The following NME8 variants were observed in gnomAD, a reference collection of about 807,000 sequenced individuals.
NME8 encodes protein NME8.
Under a neutral mutation model 82.3 loss-of-function variants are expected in NME8, and 72 were observed. That is an observed-to-expected ratio of 0.87 (90% confidence interval 0.72 to 1.06). NME8 has a LOEUF of 1.06. Among genes scored for constraint, NME8 ranks in the 50% least tolerant of loss-of-function variants. The pLI is 0.00. For synonymous variants in NME8, 267 were observed against 228.5 expected, an observed-to-expected ratio of 1.17 and a Z score of -1.52; for missense variants, 712 against 685.4, an observed-to-expected ratio of 1.04 and a Z score of -0.43.
chr7:37,879,846 C>A (rs55767998), intron 12 of NME8, among the ~76,000 whole-genome samples: 21,890 of 152,146 alleles, frequency 0.14, 1,920 homozygotes, highest in African/African-American at 0.24. Context: ...TGCTCTACAA[C>A]CTTGCCAGGA....
chr7:37,863,337 A>G lies in NME8; in HGVS notation c.388-59A>G, dbSNP rs530071353. The G allele has an allele frequency of 4.0e-6, 4 of 1,001,174 alleles. No homozygotes were observed. The East Asian group carries it at 9.5e-5, about 24-fold the overall frequency. 62.0% of individuals were successfully genotyped at this position (1,001,174 alleles called of 1,614,324 possible). A position where few individuals can be genotyped will look rare whatever the true frequency, so the allele number is the denominator to read the frequency against. On this transcript the variant is annotated intron_variant, in intron 7 of 17. Transcript: ENST00000199447. ...CTAGATACAAAATTTCTAAAAACCCACTCACTATCATATTAAAACATAACT... is the reference window on the plus strand; with the variant it reads ...CTAGATACAAAATTTCTAAAAACCCGCTCACTATCATATTAAAACATAACT...
rs1214152381 is a variant in NME8 at position 37,864,437 on chromosome 7, C to A, written c.528+16C>A. 6.5e-7 allele frequency: 1 copy of A among 1,548,760 alleles called. No homozygotes were observed. The highest frequency in any genetic ancestry group is 2.3e-5 in the East Asian group (1 of 43,322). ...TAAAAGAAAAGTAAGTAATATTTTCCAACTATGATTAAATTAATTGCAAAA... is the reference window on the plus strand; with the variant it reads ...TAAAAGAAAAGTAAGTAATATTTTCAAACTATGATTAAATTAATTGCAAAA... On this transcript the variant is annotated intron_variant, in intron 9 of 17. Transcript: ENST00000199447.
chr7:37,867,632 G>A (rs1004594317), intron 10 of NME8, 70 bp from the exon 11 acceptor site: 2 of 1,143,226 alleles, frequency 1.7e-6, no homozygotes, highest in Admixed American at 1.8e-5. Flanking sequence ...TTTGACTTGG[G>A]TAGTGACCAC....
At chr7:37,873,345 G>T (rs1354135651) in intron 11 of NME8, among the ~76,000 whole-genome samples, 1 of 129,850 alleles carries the variant, frequency 7.7e-6, no homozygotes, top group Admixed American at 9.5e-5. Context: ...GGGCGACTGA[G>T]TGAGACTCTG....
intron 15 of NME8, 32 bp downstream of exon 15, chr7:37,888,460 C>A: frequency 6.3e-7 from 1 of 1,585,470 alleles, no homozygotes; most frequent in Non-Finnish European, 8.6e-7. Flanking sequence ...TGAATGTATA[C>A]ATTTTCTCCA....
intron 7 of NME8, among the ~76,000 whole-genome samples, chr7:37,862,678 T>C (rs1204796603): frequency 6.6e-6 from 1 of 152,146 alleles, no homozygotes; most frequent in Admixed American, 6.6e-5. Flanking sequence ...ATCGTTTTGT[T>C]CCAAATTTGC....
intron 8 of NME8, 118 bp downstream of exon 8, chr7:37,863,580 TCAG>T: frequency 1.4e-6 from 1 of 723,750 alleles, no homozygotes; most frequent in Admixed American, 1.9e-5. Context: ...GAGGAATTAT[TCAG>T]ATAAATGATG....
At chr7:37,862,645 A>AT (rs5883615) in intron 7 of NME8, among the ~76,000 whole-genome samples, 136,286 of 149,836 alleles carry the variant, frequency 0.91, 62,331 homozygotes, top group Admixed American at 0.94. Context: ...TTTGAGAAAT[A>AT]TTTTTTTTTT....
chr7:37,875,725 G>A (rs1784837706), intron 11 of NME8, among the ~76,000 whole-genome samples: 1 of 151,610 alleles, frequency 6.6e-6, no homozygotes, highest in Non-Finnish European at 1.5e-5. Context: ...ATAAAGACAC[G>A]ATGTAGAAGG....
intron 6 of NME8, among the ~76,000 whole-genome samples, chr7:37,858,682 T>TA (rs1784549550): frequency 6.6e-6 from 1 of 151,936 alleles, no homozygotes; most frequent in African/African-American, 2.4e-5. Context: ...ACGTAGTGGG[T>TA]AGGTGCATGG....
At chr7:37,858,362 T>A (rs187944261) in intron 6 of NME8, among the ~76,000 whole-genome samples, 213 of 152,346 alleles carry the variant, frequency 1.4e-3, no homozygotes, top group African/African-American at 5.0e-3. Context: ...GGGTTAATGA[T>A]TAAAAAATGC....
chr7:37,864,347 G>T lies in NME8; in HGVS notation c.455-1G>T. The T allele has an allele frequency of 6.3e-7, 1 of 1,594,248 alleles. No individual in the cohort carries two copies. The highest frequency in any genetic ancestry group is 1.3e-5 in the African/African-American group (1 of 74,618). ...CTGTCTTTTTCTAAATTTTTTTCCA[G>T]AGGAATTATACAGTATTGCTATTAT... On this transcript the variant is annotated splice_acceptor_variant, in intron 8 of 17. Transcript: ENST00000199447. LOFTEE classifies it high-confidence loss of function.
At position 37,867,878 on chromosome 7, in the gene NME8, G is replaced by C. The variant is rs1452505551; in HGVS notation, c.798G>C (p.Met266Ile). The change falls in exon 11 of 18, where the codon ATG becomes ATC. Residue 266 changes from methionine to isoleucine, a missense_variant. Transcript: ENST00000199447. Reference protein sequence around the residue: ...PEVEAQVTPGMMKNKQDSLQE... With the variant: ...PEVEAQVTPGIMKNKQDSLQE... ...TCGAAGCCCAGGTTACACCTGGAAT[G>C]ATGAAGAACAAACAAGACAGGTATA... is the stretch of plus-strand genomic sequence containing the variant. The C allele has an allele frequency of 4.3e-6, 7 of 1,613,566 alleles. No individual in the cohort carries two copies. The highest frequency in any genetic ancestry group is 5.9e-6 in the Non-Finnish European group (7 of 1,179,752).
chr7:37,895,373 C>G (rs1785209059), intron 16 of NME8, among the ~76,000 whole-genome samples: 1 of 152,080 alleles, frequency 6.6e-6, no homozygotes, highest in Non-Finnish European at 1.5e-5. Context: ...TCATTTGACT[C>G]TTATAATAAT....
Position 37,863,481 on chromosome 7 carries a change from A to G in NME8, c.454+19A>G, listed in dbSNP as rs775571263. ...AGTGTTCGTAAGTAAATTTACTTCAAAGTAATCCAAGGGTTTTCTGTACGT... is the reference window on the plus strand; with the variant it reads ...AGTGTTCGTAAGTAAATTTACTTCAGAGTAATCCAAGGGTTTTCTGTACGT... On this transcript the variant is annotated intron_variant, in intron 8 of 17. Coordinates refer to ENST00000199447, the MANE Select transcript of NME8 (RefSeq NM_016616.5). 8 of 1,475,930 alleles carry G rather than the reference A, an allele frequency of 5.4e-6. No homozygotes were observed. In the Admixed American group the frequency reaches 1.2e-4, roughly 22 times the overall value. The allele number at this position is 1,475,930 out of a possible 1,614,324, so 91.4% of individuals were successfully genotyped here.
chr7:37,875,296 G>A (rs879860736), intron 11 of NME8, among the ~76,000 whole-genome samples: 4 of 151,946 alleles, frequency 2.6e-5, no homozygotes, highest in Admixed American at 6.6e-5. Flanking sequence ...AATTGAATAC[G>A]GACTGTTTAT....
intron 14 of NME8, among the ~76,000 whole-genome samples, chr7:37,886,551 A>G (rs1401839099): frequency 6.6e-6 from 1 of 152,172 alleles, no homozygotes; most frequent in Non-Finnish European, 1.5e-5. Flanking sequence ...GCATTGTTTT[A>G]CCCAAAATAT....
chr7:37,894,132 A>T (rs1164834843), intron 15 of NME8, among the ~76,000 whole-genome samples: 1 of 152,162 alleles, frequency 6.6e-6, no homozygotes, highest in Admixed American at 6.5e-5. Context: ...ATATCTAGCA[A>T]GAAATTCCTT....
chr7:37,865,507 C>A lies in NME8; in HGVS notation c.529-18C>A, dbSNP rs755116501. 2 of 1,564,182 alleles carry A rather than the reference C, an allele frequency of 1.3e-6. No homozygotes were observed. Among genetic ancestry groups the A allele is most frequent in the South Asian group, 1.1e-5 (1 of 89,972 alleles). On this transcript the variant is annotated intron_variant, in intron 9 of 17. Transcript: ENST00000199447. Reference sequence around the variant, plus strand: ...TGATCCCACGACACCTGGATTTGACCTTACTCTCTAATTGAAGATTACCAA... The same window carrying A: ...TGATCCCACGACACCTGGATTTGACATTACTCTCTAATTGAAGATTACCAA...
Sources: allele counts gnomAD v4.1 joint callset (sites outside exome capture counted in the v4.1 genomes callset), GRCh38; gene constraint gnomAD v4.1.1; transcripts MANE v1.5; gene names NCBI Gene and HGNC (gene_info 2026-07-23, HGNC 2026-07-21).